PTPRN2: variants seen among roughly 807,000 people sequenced by gnomAD.
PTPRN2 encodes receptor-type tyrosine-protein phosphatase N2.
A neutral mutation model predicts 118.8 loss-of-function variants in PTPRN2; 74 were observed. The ratio of observed to expected loss-of-function variants is 0.62; its 90% CI spans 0.52 to 0.76. The LOEUF is 0.76. PTPRN2 is among the 30% of genes least tolerant of loss of function. The pLI is 0.00. For missense variants in PTPRN2, 1,481 were observed against 1,394.4 expected (o/e 1.06, Z -0.99); for synonymous variants, 641 against 608.0 (o/e 1.05, Z -0.80).
Position 157,784,408 on chromosome 7 carries a change from T to C in PTPRN2, c.1789-101471A>G, listed in dbSNP as rs754782938. Among the ~76,000 whole-genome samples the C allele has an allele frequency of 6.6e-6, 1 of 152,172 alleles. No homozygotes were observed. Among genetic ancestry groups the C allele is most frequent in the African/African-American group, 2.4e-5 (1 of 41,446 alleles). ...ACTGGAGGAGGTGCTCCTAGCAAGA[T>C]GCCGACCTGCAGCAGCGCCCACAAG... On this transcript the variant is annotated intron_variant, in intron 12 of 22. Coordinates refer to ENST00000389418, the MANE Select transcript of PTPRN2 (RefSeq NM_002847.5). This position sits in a 1 kb window ranked among gnomAD's most constrained non-coding sequence, Gnocchi z 4.6.
At chr7:158,026,585 C>T (rs1479066007) in intron 11 of PTPRN2, among the ~76,000 whole-genome samples, 1 of 152,166 alleles carries the variant, frequency 6.6e-6, no homozygotes, top group Non-Finnish European at 1.5e-5. Flanking sequence ...TACACTAAAA[C>T]AACTTTTACC....
intron 3 of PTPRN2, among the ~76,000 whole-genome samples, chr7:158,305,874 T>C (rs1315578772): frequency 2.6e-5 from 4 of 151,558 alleles, no homozygotes; most frequent in Non-Finnish European, 5.9e-5. Context: ...GCATCTTAAC[T>C]CACCCTATTT....
At chr7:158,188,898 C>CTA (rs1825527894) in intron 5 of PTPRN2, among the ~76,000 whole-genome samples, 1 of 152,168 alleles carries the variant, frequency 6.6e-6, no homozygotes, top group Non-Finnish European at 1.5e-5. Context: ...GTGACGAGGC[C>CTA]ACGGGCCCTT....
At chr7:158,524,544 C>G (rs557589690) in intron 1 of PTPRN2, among the ~76,000 whole-genome samples, 23 of 136,458 alleles carry the variant, frequency 1.7e-4, no homozygotes, top group Non-Finnish European at 3.4e-4. Flanking sequence ...GGAGTGGAGT[C>G]TGCCCTGGAG....
chr7:158,151,630 CAGG>C (rs1821171432), intron 6 of PTPRN2, among the ~76,000 whole-genome samples: 2 of 152,132 alleles, frequency 1.3e-5, no homozygotes, highest in Non-Finnish European at 2.9e-5. Context: ...ATGAGAGCTT[CAGG>C]AGGTGAAATA....
In PTPRN2 at chr7:157,600,247, A is replaced by T. The variant is rs578151957; in HGVS notation, c.2418+3755T>A. On this transcript the variant is annotated intron_variant, in intron 16 of 22. Transcript: ENST00000389418. ...CACCTCTCCACCTGCCTACCTCTCC[A>T]CCTGCCCACATCTCCACCTGCCCAC... Among the ~76,000 whole-genome samples the T allele has an allele frequency of 2.6e-3, 389 of 149,826 alleles. 2 individuals are homozygous for T. Among genetic ancestry groups the T allele is most frequent in the Non-Finnish European group, 4.6e-3 (310 of 67,312 alleles).
chr7:157,866,691 A>T (rs1170943564), intron 12 of PTPRN2, among the ~76,000 whole-genome samples: 1 of 151,964 alleles, frequency 6.6e-6, no homozygotes, highest in Non-Finnish European at 1.5e-5. Flanking sequence ...GGCTCGCCCC[A>T]GTGCTTGCCA....
At chr7:157,810,070 A>T (rs1285341436) in intron 12 of PTPRN2, among the ~76,000 whole-genome samples, 1 of 152,210 alleles carries the variant, frequency 6.6e-6, no homozygotes, top group Non-Finnish European at 1.5e-5. Flanking sequence ...AGGACAGGGG[A>T]GCTTCCCCTG....
At chr7:157,635,988 G>A (rs535160045) in intron 14 of PTPRN2, among the ~76,000 whole-genome samples, 3 of 152,284 alleles carry the variant, frequency 2.0e-5, no homozygotes, top group South Asian at 4.2e-4. Context: ...GAAGTATCAG[G>A]AAATCGCTAT....
intron 12 of PTPRN2, among the ~76,000 whole-genome samples, chr7:157,830,628 C>A (rs1338522093): frequency 6.6e-6 from 1 of 152,236 alleles, no homozygotes; most frequent in Non-Finnish European, 1.5e-5. Flanking sequence ...AGACCTGCAT[C>A]TGAATCTAGT....
intron 1 of PTPRN2, among the ~76,000 whole-genome samples, chr7:158,537,310 T>C (rs976535870): frequency 1.3e-5 from 2 of 152,040 alleles, no homozygotes; most frequent in African/African-American, 4.8e-5. Context: ...AGGGCAAGGG[T>C]CAGGCATAAG....
At chr7:158,528,547 G>A (rs1461573043) in intron 1 of PTPRN2, among the ~76,000 whole-genome samples, 1 of 151,998 alleles carries the variant, frequency 6.6e-6, no homozygotes, top group Admixed American at 6.6e-5. Flanking sequence ...AGCACTTTGG[G>A]AGGCTGAGGG....
intron 5 of PTPRN2, among the ~76,000 whole-genome samples, chr7:158,179,392 T>C (rs1257170233): frequency 6.6e-6 from 1 of 152,244 alleles, no homozygotes; most frequent in African/African-American, 2.4e-5. Flanking sequence ...TTGTAGATTC[T>C]GGATGTTGGT....
At chr7:158,032,529 C>T (rs998934907) in intron 11 of PTPRN2, among the ~76,000 whole-genome samples, 3 of 152,108 alleles carry the variant, frequency 2.0e-5, no homozygotes, top group African/African-American at 7.2e-5. Context: ...AGACCCAAGG[C>T]AGGTGAAAAA....
intron 9 of PTPRN2, among the ~76,000 whole-genome samples, chr7:158,132,545 CAT>C (rs749058536): frequency 0.011 from 898 of 81,308 alleles, 8 homozygotes; most frequent in Middle Eastern, 0.031. Flanking sequence ...TATACACACA[CAT>C]GCATACACAG....
rs146529193 is a variant in PTPRN2 at position 158,302,395 on chromosome 7, G to A, written c.277+14424C>T. Among the ~76,000 whole-genome samples, 812 of 152,346 alleles carry A rather than the reference G, an allele frequency of 5.3e-3. 6 individuals carry two copies. Among genetic ancestry groups the A allele is most frequent in the African/African-American group, 0.019 (781 of 41,582 alleles). ...CAGCCTTGGTTGGGTCAACCCTGAA[G>A]GGGAACCCCAGCTCCGGCTGCAGAG... On this transcript the variant is annotated intron_variant, in intron 3 of 22. Transcript: ENST00000389418.
At chr7:158,200,624 C>T (rs144548501) in intron 4 of PTPRN2, among the ~76,000 whole-genome samples, 1,638 of 152,084 alleles carry the variant, frequency 0.011, 31 homozygotes, top group African/African-American at 0.036. Flanking sequence ...ATTTTTGAAG[C>T]GCCAATTGAA....
chr7:158,472,052 G>C (rs1819902957), intron 2 of PTPRN2, among the ~76,000 whole-genome samples: 2 of 152,150 alleles, frequency 1.3e-5, no homozygotes, highest in Admixed American at 6.5e-5. Flanking sequence ...TCCCACCACG[G>C]TTCCTGCAGG....
intron 6 of PTPRN2, among the ~76,000 whole-genome samples, chr7:158,154,954 T>A (rs908364288): frequency 1.3e-5 from 2 of 152,184 alleles, no homozygotes; most frequent in African/African-American, 4.8e-5. Context: ...TTTTGCAGCA[T>A]CCAGTGAGCC....
Sources: allele counts gnomAD v4.1 joint callset (sites outside exome capture counted in the v4.1 genomes callset), GRCh38; gene constraint gnomAD v4.1.1; non-coding constraint Gnocchi (gnomAD v3.1); transcripts MANE v1.5; gene names NCBI Gene and HGNC (gene_info 2026-07-23, HGNC 2026-07-21).